The following TAFA2 variants were observed in gnomAD, a reference collection of about 807,000 sequenced individuals.
TAFA2 encodes the protein chemokine-like protein TAFA-2.
Under a neutral mutation model 18.8 loss-of-function variants are expected in TAFA2, and 7 were observed. That is an observed-to-expected ratio of 0.37 (90% CI 0.21 to 0.70). The LOEUF (loss-of-function observed/expected upper bound fraction) is 0.70, where lower values mean the gene tolerates loss of function less well. Ranked by LOEUF, TAFA2 falls within the 30% of genes least tolerant of loss-of-function variation. The pLI, the probability that TAFA2 is intolerant of heterozygous loss-of-function variation, is 0.53. For missense variants in TAFA2, 122 were observed against 158.1 expected (o/e 0.77, Z 1.23); for synonymous variants, 60 against 54.2 (o/e 1.11, Z -0.47).
intron 1 of TAFA2, among the ~76,000 whole-genome samples, chr12:62,073,282 T>G (rs1882679588): frequency 6.6e-6 from 1 of 152,354 alleles, no homozygotes; most frequent in Admixed American, 6.5e-5. Context: ...ACATTTTACA[T>G]ATCTTGTATT....
At chr12:62,221,179 A>AG (rs1373547555) in intron 1 of TAFA2, among the ~76,000 whole-genome samples, 1 of 124,214 alleles carries the variant, frequency 8.1e-6, no homozygotes, top group African/African-American at 3.1e-5. Context: ...AAGGAAGGGG[A>AG]GGGGAGGGGA....
chr12:61,997,870 G>A (rs1274446162), intron 1 of TAFA2, among the ~76,000 whole-genome samples: 1 of 151,858 alleles, frequency 6.6e-6, no homozygotes, highest in Non-Finnish European at 1.5e-5. Flanking sequence ...AATTTTAAAT[G>A]TTTTTTAAAA....
intron 2 of TAFA2, among the ~76,000 whole-genome samples, chr12:61,800,895 T>C (rs899164093): frequency 2.6e-5 from 4 of 152,096 alleles, no homozygotes; most frequent in Non-Finnish European, 5.9e-5. Context: ...AAAAATAGTC[T>C]CCACATGGGG....
intron 1 of TAFA2, among the ~76,000 whole-genome samples, chr12:62,063,703 T>G (rs1348392354): frequency 6.6e-6 from 1 of 152,216 alleles, no homozygotes; most frequent in Non-Finnish European, 1.5e-5. Flanking sequence ...ATGTATCAAC[T>G]GTTATGGTTA....
At chr12:62,135,337 A>G (rs1027354775) in intron 1 of TAFA2, among the ~76,000 whole-genome samples, 3 of 152,084 alleles carry the variant, frequency 2.0e-5, no homozygotes, top group African/African-American at 7.2e-5. Context: ...GACTCCTCTA[A>G]CTTGATATCA....
chr12:61,775,060 G>C (rs190923527), intron 2 of TAFA2, among the ~76,000 whole-genome samples: 2 of 151,750 alleles, frequency 1.3e-5, no homozygotes, highest in Non-Finnish European at 2.9e-5. Context: ...AAATAAGCCT[G>C]TGAAAAGATG....
At chr12:62,246,311 A>G (rs1382991117) in intron 1 of TAFA2, among the ~76,000 whole-genome samples, 1 of 152,092 alleles carries the variant, frequency 6.6e-6, no homozygotes, top group African/African-American at 2.4e-5. Flanking sequence ...TCCTTTCTAT[A>G]TGCTATGTAA....
At position 62,034,523 on chromosome 12, in the gene TAFA2, A is replaced by G. The variant is rs1393566714; in HGVS notation, c.-2+156736T>C. ...AATAAGGATATTCAGTCTGTTTTCT[A>G]TTTGAAAAATCCAGAGGACAAACAC... is the stretch of plus-strand genomic sequence containing the variant. On this transcript the variant is annotated intron_variant, in intron 1 of 4. Coordinates refer to ENST00000416284, the MANE Select transcript of TAFA2 (RefSeq NM_178539.5). 3.9e-5 allele frequency among the ~76,000 whole-genome samples: 6 copies of G among 152,284 alleles called. No homozygotes were observed. The East Asian group carries it at 1.2e-3, about 29-fold the overall frequency.
At chr12:61,873,277 G>C (rs570020162) in intron 1 of TAFA2, among the ~76,000 whole-genome samples, 1 of 145,794 alleles carries the variant, frequency 6.9e-6, no homozygotes, top group South Asian at 2.2e-4. Context: ...TTTTTTTGAG[G>C]TTGCACAAGT....
intron 2 of TAFA2, among the ~76,000 whole-genome samples, chr12:61,850,539 A>C (rs1207875889): frequency 6.6e-6 from 1 of 152,158 alleles, no homozygotes; most frequent in African/African-American, 2.4e-5. Context: ...AAGGCATACA[A>C]CTATGCAATA....
intron 1 of TAFA2, among the ~76,000 whole-genome samples, chr12:62,041,840 T>C (rs1881764401): frequency 6.6e-6 from 1 of 152,136 alleles, no homozygotes. Context: ...CCTAGAAGAT[T>C]TTTTTCAAAG....
At chr12:61,979,616 A>G (rs1879558905) in intron 1 of TAFA2, among the ~76,000 whole-genome samples, 1 of 152,090 alleles carries the variant, frequency 6.6e-6, no homozygotes, top group Non-Finnish European at 1.5e-5. Flanking sequence ...TAAATTGGAT[A>G]AAGTATCATC....
At chr12:61,760,513 T>C (rs543384335) in intron 2 of TAFA2, among the ~76,000 whole-genome samples, 2 of 151,702 alleles carry the variant, frequency 1.3e-5, no homozygotes, top group Non-Finnish European at 2.9e-5. Flanking sequence ...TAAAGTCTTG[T>C]TATGATAACC....
rs2121219651 is a variant in TAFA2 at position 61,867,397 on chromosome 12, G to A, written c.29C>T (p.Thr10Ile). The A allele has an allele frequency of 6.2e-7, 1 of 1,602,904 alleles. No homozygotes were observed. The highest frequency in any genetic ancestry group is 2.2e-5 in the East Asian group (1 of 44,692). The change falls in exon 2 of 5, where the codon ACA (threonine) becomes ATA (isoleucine). Residue 10 changes from threonine (T) to isoleucine (I), a missense_variant. By Grantham distance (89) the Thr-to-Ile change is moderately conservative. This residue lies in a region of TAFA2 where 62 missense variants were observed against 55.5 expected (regional missense o/e 1.12). Coordinates refer to ENST00000416284, the MANE Select transcript of TAFA2 (RefSeq NM_178539.5). The stretch of plus-strand genomic sequence containing the variant: ...TATTATTATTAGCAGTTTTCCTTTT[G>A]TTGCTTTCTGTAAGTATCTCTTACT... Reference protein sequence around the residue: MSKRYLQKATKGKLLIIIFI... With the variant: MSKRYLQKAIKGKLLIIIFI...
chr12:62,075,949 TG>T (rs1339904009), intron 1 of TAFA2, among the ~76,000 whole-genome samples: 2 of 152,208 alleles, frequency 1.3e-5, no homozygotes, highest in Non-Finnish European at 2.9e-5. Flanking sequence ...CTTTTTATTT[TG>T]TAGACCCTAA....
At chr12:62,250,755 A>G (rs1236916568) in intron 1 of TAFA2, among the ~76,000 whole-genome samples, 1 of 152,158 alleles carries the variant, frequency 6.6e-6, no homozygotes, top group African/African-American at 2.4e-5. Flanking sequence ...TTTTCAGCAA[A>G]TGATTACTCC....
At chr12:61,833,204 T>C (rs1481150369) in intron 2 of TAFA2, among the ~76,000 whole-genome samples, 1 of 151,390 alleles carries the variant, frequency 6.6e-6, no homozygotes, top group African/African-American at 2.4e-5. Flanking sequence ...GGAAATAACA[T>C]GTCATGAACC....
intron 1 of TAFA2, among the ~76,000 whole-genome samples, chr12:62,225,896 T>G (rs2062784148): frequency 6.6e-6 from 1 of 152,208 alleles, no homozygotes; most frequent in Non-Finnish European, 1.5e-5. Flanking sequence ...TTAAAATCTG[T>G]GGAGGGTAAT....
chr12:61,810,559 A>G (rs1407835421), intron 2 of TAFA2, among the ~76,000 whole-genome samples: 2 of 151,418 alleles, frequency 1.3e-5, no homozygotes, highest in Admixed American at 1.3e-4. Flanking sequence ...TAAAGTTTAA[A>G]TAATGTGGCA....
Sources: gnomAD v4.1 joint callset for allele counts (sites outside exome capture counted in the v4.1 genomes callset) on GRCh38, gnomAD v4.1.1 for gene constraint, gnomAD v4.1.1 regional missense constraint, MANE v1.5 for transcripts, NCBI Gene and HGNC (gene_info 2026-07-23, HGNC 2026-07-21) for gene names.